Variants in NHSL1 observed in about 807,000 individuals in gnomAD.
NHSL1 encodes the protein NHS like 1.
A neutral mutation model predicts 95.0 loss-of-function variants in NHSL1; 48 were observed. The ratio of observed to expected loss-of-function variants is 0.51; its 90% confidence interval spans 0.40 to 0.64. The LOEUF (loss-of-function observed/expected upper bound fraction) is 0.64. NHSL1 is among the 30% of genes least tolerant of loss of function. NHSL1 has a pLI of 0.00. For synonymous variants in NHSL1, 783 were observed against 833.9 expected (o/e 0.94, Z 1.05); for missense variants, 1,971 against 2,077.7 (o/e 0.95, Z 1.00).
At chr6:138,439,041 A>C (rs1776362991) in intron 5 of NHSL1, among the ~76,000 whole-genome samples, 1 of 152,238 alleles carries the variant, frequency 6.6e-6, no homozygotes, top group East Asian at 1.9e-4. Context: ...TTATCAGATA[A>C]GTTTTGGAAA....
intron 1 of NHSL1, among the ~76,000 whole-genome samples, chr6:138,608,262 G>A (rs1784461154): frequency 6.6e-6 from 1 of 152,198 alleles, no homozygotes. Flanking sequence ...TTCTCATACT[G>A]AGTAATTTCT....
At chr6:138,515,885 A>G (rs1781439035) in intron 1 of NHSL1, among the ~76,000 whole-genome samples, 1 of 152,188 alleles carries the variant, frequency 6.6e-6, no homozygotes, top group Admixed American at 6.5e-5. Context: ...AAGACAGTGA[A>G]TCGTCTGGAG....
At chr6:138,506,803 T>A (rs1780984804) in intron 1 of NHSL1, among the ~76,000 whole-genome samples, 1 of 152,198 alleles carries the variant, frequency 6.6e-6, no homozygotes, top group Non-Finnish European at 1.5e-5. Context: ...TAAAAGTTAA[T>A]ACAATTATAA....
intron 5 of NHSL1, among the ~76,000 whole-genome samples, chr6:138,437,345 C>CACACACAT (rs1554222016): frequency 2.1e-5 from 2 of 96,428 alleles, no homozygotes; most frequent in African/African-American, 9.0e-5. Flanking sequence ...TATATATACA[C>CACACACAT]ATATATATAT....
rs571226657 is a variant in NHSL1, at chr6:138,595,554, G to T, written c.96+96922C>A. Reference sequence around the variant, plus strand: ...ATCCTGTCACTGTGCTCTAGCCTAGGCAACAGAGTGACACCCTATCTCTTT... The same window carrying T: ...ATCCTGTCACTGTGCTCTAGCCTAGTCAACAGAGTGACACCCTATCTCTTT... On this transcript the variant is annotated intron_variant, in intron 1 of 3. Transcript: ENST00000491526. Among the ~76,000 whole-genome samples, 7 of 152,312 alleles carry T rather than the reference G, an allele frequency of 4.6e-5. No homozygotes were observed. In the South Asian group the frequency reaches 8.3e-4, roughly 18 times the overall value.
upstream of NHSL1, among the ~76,000 whole-genome samples, chr6:138,500,110 C>G (rs1321762171): frequency 6.6e-6 from 1 of 151,766 alleles, no homozygotes; most frequent in Non-Finnish European, 1.5e-5. Flanking sequence ...AAAAAAAATA[C>G]AACTTCCCCA....
rs547982017 is a variant in NHSL1, at chr6:138,499,110, C to T, written c.58+123G>A. 3.1e-4 allele frequency: 207 copies of T among 660,816 alleles called. 2 individuals carry two copies. The South Asian group carries it at 3.6e-3, about 12-fold the overall frequency. The allele number at this position is 660,816 out of a possible 1,614,324, so 40.9% of individuals were successfully genotyped here. A position where few individuals can be genotyped will look rare whatever the true frequency, so the allele number is the denominator to read the frequency against. On this transcript the variant is annotated intron_variant, in intron 1 of 7. Transcript: ENST00000343505. ...ACTCTAATTTCTTCACACAAAAGAACGAAGGACCTAAAACACACACATGGA... is the reference window on the plus strand; with the variant it reads ...ACTCTAATTTCTTCACACAAAAGAATGAAGGACCTAAAACACACACATGGA...
Position 138,516,088 on chromosome 6 carries a change from GTCC to G in NHSL1, c.17-19720_17-19718del, listed in dbSNP as rs1293574786. Among the ~76,000 whole-genome samples the G allele has an allele frequency of 2.0e-5, 3 of 152,354 alleles. No individual in the cohort carries two copies. The East Asian group carries it at 5.8e-4, about 29-fold the overall frequency. On this transcript the variant is annotated intron_variant, in intron 1 of 4. Coordinates refer to the NHSL1 transcript ENST00000342260. ...CAGATGCACATGACTGATGATACAA[GTCC>G]TCATTTCCATGCTCCTGCGGCTTCG...
chr6:138,433,547 C>T lies in NHSL1; in HGVS notation c.798G>A (p.Thr266=), dbSNP rs750103387. Residue 266 remains threonine, a synonymous_variant, in exon 6 of 8, where the codon ACG becomes ACA. Coordinates refer to ENST00000343505, the MANE Select transcript of NHSL1 (RefSeq NM_001144060.2). The stretch of plus-strand genomic sequence containing the variant: ...AAGGTGGTACGACCTTCACATCCTC[C>T]GTCTGACAGCTGGAGTCCCTGGTTT... The part of the protein sequence containing the change: ...RSETRDSSCQ[T]EDVKVVPPSM... The T allele has an allele frequency of 6.7e-5, 104 of 1,551,862 alleles. No individual in the cohort carries two copies. Among genetic ancestry groups the T allele is most frequent in the East Asian group, 2.9e-4 (12 of 40,910 alleles).
At chr6:138,534,645 G>A (rs1401859038) in intron 1 of NHSL1, among the ~76,000 whole-genome samples, 1 of 152,090 alleles carries the variant, frequency 6.6e-6, no homozygotes, top group Admixed American at 6.5e-5. Context: ...TATCAATAAA[G>A]CCATGGAAAT....
At position 138,431,532 on chromosome 6, in the gene NHSL1, G is replaced by A; in HGVS notation, c.2813C>T (p.Pro938Leu). ...CCTGTCTGCAGGACAAGGGAATGGAGGAGAGGGAACAGGAGGAGGAGGAGG... is the reference window on the plus strand; with the variant it reads ...CCTGTCTGCAGGACAAGGGAATGGAAGAGAGGGAACAGGAGGAGGAGGAGG... ...PAPPPPPVPS[P>L]PFPCPADRSP... The change falls in exon 6 of 8, where the codon CCT becomes CTT. Residue 938 changes from proline to leucine, a missense_variant. Coordinates refer to ENST00000343505, the MANE Select transcript of NHSL1 (RefSeq NM_001144060.2). This position sits in a 1 kb window ranked among gnomAD's most constrained non-coding sequence, Gnocchi z 4.0. 2 of 1,551,224 alleles carry A rather than the reference G, an allele frequency of 1.3e-6. No individual in the cohort carries two copies. Among genetic ancestry groups the A allele is most frequent in the Non-Finnish European group, 1.7e-6 (2 of 1,146,730 alleles).
At chr6:138,561,246 A>G (rs1469525458) in intron 1 of NHSL1, among the ~76,000 whole-genome samples, 2 of 152,234 alleles carry the variant, frequency 1.3e-5, no homozygotes, top group East Asian at 3.8e-4. Context: ...AATTTGACCA[A>G]GCTCCCACAA....
At chr6:138,466,643 C>A (rs1281149973) in intron 3 of NHSL1, among the ~76,000 whole-genome samples, 1 of 152,086 alleles carries the variant, frequency 6.6e-6, no homozygotes, top group Non-Finnish European at 1.5e-5. Flanking sequence ...GATGGTGGTC[C>A]CATAAGATCA....
chr6:138,547,103 G>A (rs1782829505), upstream of NHSL1, among the ~76,000 whole-genome samples: 1 of 152,110 alleles, frequency 6.6e-6, no homozygotes, highest in Non-Finnish European at 1.5e-5. Context: ...CTATCTATCT[G>A]TCTGTGTCCT....
Position 138,430,784 on chromosome 6 carries a change from T to G in NHSL1, c.3561A>C (p.Ser1187=), listed in dbSNP as rs2128196159. The G allele has an allele frequency of 6.4e-7, 1 of 1,551,204 alleles. No homozygotes were observed. The highest frequency in any genetic ancestry group is 2.4e-5 in the East Asian group (1 of 40,900). The change falls in exon 6 of 8, where the codon TCA becomes TCC. Residue 1187 remains serine, a synonymous_variant. Transcript: ENST00000343505. This position sits in a 1 kb window ranked among gnomAD's most constrained non-coding sequence, Gnocchi z 4.7. The part of the protein sequence containing the change: ...SPSTTPLPDS[S]PSRKPPPISK... ...AAATGGGGGGTGGCTTCCTGCTGGG[T>G]GAAGAGTCTGGGAGTGGGGTGGTGC...
At chr6:138,662,305 T>C (rs1463542400) in intron 1 of NHSL1, among the ~76,000 whole-genome samples, 3 of 152,356 alleles carry the variant, frequency 2.0e-5, no homozygotes, top group African/African-American at 7.2e-5. Flanking sequence ...CAAGTGTAGT[T>C]TAACCATAAT....
chr6:138,565,202 G>C (rs952697207), intron 1 of NHSL1, among the ~76,000 whole-genome samples: 1 of 152,022 alleles, frequency 6.6e-6, no homozygotes, highest in Non-Finnish European at 1.5e-5. Flanking sequence ...CGCCTCCTGG[G>C]TTCAAGCGAT....
intron 1 of NHSL1, among the ~76,000 whole-genome samples, chr6:138,634,488 G>C (rs1456195830): frequency 6.6e-6 from 1 of 152,120 alleles, no homozygotes; most frequent in Non-Finnish European, 1.5e-5. Flanking sequence ...TGATAAAGGT[G>C]TCAATTCAGC....
At chr6:138,460,573 G>A (rs1777928462) in intron 3 of NHSL1, among the ~76,000 whole-genome samples, 9 of 151,590 alleles carry the variant, frequency 5.9e-5, no homozygotes, top group Admixed American at 4.6e-4. Context: ...AGGTGATCTA[G>A]TATATGAGAG....
Sources: gnomAD v4.1 joint callset for allele counts (sites outside exome capture counted in the v4.1 genomes callset) on GRCh38, gnomAD v4.1.1 for gene constraint, Gnocchi (gnomAD v3.1) non-coding constraint, MANE v1.5 for transcripts, NCBI Gene and HGNC (gene_info 2026-07-23, HGNC 2026-07-21) for gene names.